The following DUSP18 variants were observed in gnomAD, a reference collection of about 807,000 sequenced individuals.
DUSP18 encodes dual specificity protein phosphatase 18.
Under a neutral mutation model 6.3 loss-of-function variants are expected in DUSP18, and 4 were observed. The observed-to-expected ratio is 0.63, with a 90% CI of 0.31 to 1.45. The LOEUF is 1.45. Ranked by LOEUF, DUSP18 falls within the 40% of genes most tolerant of loss-of-function variation. The pLI is 0.07. For synonymous variants in DUSP18, 96 were observed against 95.1 expected, an observed-to-expected ratio of 1.01 and a Z score of -0.05; for missense variants, 235 against 247.7, an observed-to-expected ratio of 0.95 and a Z score of 0.34.
chr22:30,657,452 C>CT (rs2088363002), downstream of DUSP18, among the ~76,000 whole-genome samples: 3 of 112,250 alleles, frequency 2.7e-5, no homozygotes, highest in Admixed American at 2.1e-4. Context: ...GAGCAAGACT[C>CT]TGTCTCAAAA....
chr22:30,654,510 G>C, intron 2 of DUSP18: 1 of 427,846 alleles, frequency 2.3e-6, no homozygotes, highest in South Asian at 1.7e-5. Context: ...ACCTTGAGGC[G>C]GTCTTGGGCG....
chr22:30,664,041 C>T lies in DUSP18; in HGVS notation c.-38G>A. On this transcript the variant is annotated 5_prime_UTR_variant, in exon 2 of 2. In the 5' UTR this introduces an upstream ATG that the reference lacks. Transcript: ENST00000334679. The stretch of plus-strand genomic sequence containing the variant: ...TCAGTGGTCAGCAGTCAGCGAAGCA[C>T]GAAGGCTGCGTCTTTCTGCTAGGCT... 6 of 1,563,822 alleles carry T rather than the reference C, an allele frequency of 3.8e-6. No individual in the cohort carries two copies. Among genetic ancestry groups the T allele is most frequent in the South Asian group, 1.2e-5 (1 of 86,274 alleles).
At chr22:30,665,595 C>G in intron 1 of DUSP18, 1 of 468,004 alleles carries the variant, frequency 2.1e-6, no homozygotes, top group South Asian at 1.6e-5. Context: ...TAGATCACAC[C>G]CCTCCCTCAC....
chr22:30,654,196 G>C (rs2088287098), intron 2 of DUSP18: 6 of 290,992 alleles, frequency 2.1e-5, no homozygotes, highest in Admixed American at 1.8e-4. Flanking sequence ...ATGTTAGCCA[G>C]GATGGTCTCA....
At chr22:30,665,610 G>C in intron 1 of DUSP18, 1 of 464,500 alleles carries the variant, frequency 2.2e-6, no homozygotes, top group Non-Finnish European at 4.5e-6. Flanking sequence ...CCTCACGTTT[G>C]ACCAACTCTG....
chr22:30,664,460 C>A (rs1487707753), intron 1 of DUSP18, among the ~76,000 whole-genome samples: 1 of 152,240 alleles, frequency 6.6e-6, no homozygotes, highest in African/African-American at 2.4e-5. Flanking sequence ...CATTTAAGCT[C>A]ACAGAGCCCT....
At chr22:30,666,295 G>A (rs145246942) in intron 1 of DUSP18, among the ~76,000 whole-genome samples, 29 of 152,292 alleles carry the variant, frequency 1.9e-4, no homozygotes, top group African/African-American at 4.8e-4. Flanking sequence ...TGAGGGTAGT[G>A]ATGCGAGGAG....
At chr22:30,665,485 C>A in intron 1 of DUSP18, 1 of 470,074 alleles carries the variant, frequency 2.1e-6, no homozygotes, top group Non-Finnish European at 4.4e-6. Flanking sequence ...TCCTTATGAA[C>A]CCATCAGATC....
chr22:30,661,103 A>G (rs1440256927), downstream of DUSP18, among the ~76,000 whole-genome samples: 1 of 152,048 alleles, frequency 6.6e-6, no homozygotes, highest in Non-Finnish European at 1.5e-5. Flanking sequence ...GGCCTCCCAA[A>G]GTGTTGGGAT....
chr22:30,658,419 TG>T (rs2088390968), downstream of DUSP18, among the ~76,000 whole-genome samples: 1 of 151,246 alleles, frequency 6.6e-6, no homozygotes, highest in African/African-American at 2.4e-5. Flanking sequence ...GCAGTAACAG[TG>T]GTGGCCAGAA....
chr22:30,664,353 T>TCC (rs1413083341), intron 1 of DUSP18, among the ~76,000 whole-genome samples: 1 of 152,190 alleles, frequency 6.6e-6, no homozygotes, highest in Non-Finnish European at 1.5e-5. Context: ...AAATGGCAAG[T>TCC]CCCCAAGTCT....
Position 30,663,393 on chromosome 22 carries a change from T to C in DUSP18, c.*44A>G, listed in dbSNP as rs78592960. The C allele has an allele frequency of 3.2e-4, 495 of 1,548,418 alleles. 1 individual carries two copies. The African/African-American group carries it at 6.2e-3, about 19-fold the overall frequency. ...TTGGATCTTGGTGTAAGATCAACAA[T>C]AGATCTGTACCTCTGACTCCAATGC... is the stretch of plus-strand genomic sequence containing the variant. On this transcript the variant is annotated 3_prime_UTR_variant, in exon 2 of 2. Coordinates refer to ENST00000334679, the MANE Select transcript of DUSP18 (RefSeq NM_152511.5).
chr22:30,663,540 T>A lies in DUSP18; in HGVS notation c.464A>T (p.Glu155Val). 6.2e-7 allele frequency: 1 copy of A among 1,614,174 alleles called. No individual in the cohort carries two copies. The highest frequency in any genetic ancestry group is 8.5e-7 in the Non-Finnish European group (1 of 1,180,040). The change falls in exon 2 of 2, where the codon GAG becomes GTG. Residue 155 changes from glutamate (E) to valine (V), a missense_variant. By Grantham distance (121) the Glu-to-Val change is moderately radical. Transcript: ENST00000334679. ...AGTGTTCTTGCCAAACAATTGGAAC[T>A]CATAGTGGATGAGCTGCTCCCAAAA... is the stretch of plus-strand genomic sequence containing the variant. ...SGFWEQLIHY[E>V]FQLFGKNTVH...
At chr22:30,654,065 C>T (rs1027984596) in intron 2 of DUSP18, 10 of 173,620 alleles carry the variant, frequency 5.8e-5, no homozygotes, top group Non-Finnish European at 9.7e-5. Context: ...CTGCAAGCTC[C>T]GCCCCACGGG....
At chr22:30,659,525 C>G (rs1173978606), downstream of DUSP18, among the ~76,000 whole-genome samples, 2 of 152,064 alleles carry the variant, frequency 1.3e-5, no homozygotes, top group Non-Finnish European at 2.9e-5. Flanking sequence ...AGGCGCCCGC[C>G]ACCACATCCA....
chr22:30,657,458 C>CAA (rs35221023), downstream of DUSP18, among the ~76,000 whole-genome samples: 1 of 140,738 alleles, frequency 7.1e-6, no homozygotes, highest in African/African-American at 2.7e-5. Flanking sequence ...GACTCTGTCT[C>CAA]AAAAAAAAAA....
chr22:30,656,123 A>C (rs1203676443), intron 2 of DUSP18, among the ~76,000 whole-genome samples: 1 of 151,062 alleles, frequency 6.6e-6, no homozygotes, highest in Non-Finnish European at 1.5e-5. Flanking sequence ...ACAGGTGTGC[A>C]CCACCATGCT....
intron 2 of DUSP18, among the ~76,000 whole-genome samples, chr22:30,656,124 C>A (rs1280461650): frequency 1.3e-5 from 2 of 151,828 alleles, no homozygotes; most frequent in African/African-American, 2.4e-5. Context: ...CAGGTGTGCA[C>A]CACCATGCTG....
chr22:30,664,431 G>A (rs1326546906), intron 1 of DUSP18, among the ~76,000 whole-genome samples: 1 of 152,208 alleles, frequency 6.6e-6, no homozygotes, highest in Non-Finnish European at 1.5e-5. Flanking sequence ...TCCCTCAGCT[G>A]TGCCTTGGCC....
Sources: allele counts gnomAD v4.1 joint callset (sites outside exome capture counted in the v4.1 genomes callset), GRCh38; gene constraint gnomAD v4.1.1; transcripts MANE v1.5; gene names NCBI Gene and HGNC (gene_info 2026-07-23, HGNC 2026-07-21).